The following XNDC1N variants were observed in gnomAD, a reference collection of about 807,000 sequenced individuals.
The protein encoded by XNDC1N is protein XNDC1N.
chr11:71,870,834 A>G, the XNDC1N span, among the ~76,000 whole-genome samples: 1 of 152,230 alleles, frequency 6.6e-6, no homozygotes, highest in Non-Finnish European at 1.5e-5. Flanking sequence ...ACAATGAGAT[A>G]TCACCTCACA....
the XNDC1N span, among the ~76,000 whole-genome samples, chr11:71,928,199 C>T: frequency 2.6e-5 from 4 of 152,164 alleles, no homozygotes; most frequent in Non-Finnish European, 4.4e-5. Context: ...AATGTGGGTG[C>T]CCTGGAGGTC....
chr11:71,899,306 G>A, the XNDC1N span, among the ~76,000 whole-genome samples: 48 of 152,252 alleles, frequency 3.2e-4, no homozygotes, highest in African/African-American at 1.0e-3. Flanking sequence ...CACCACACAG[G>A]GAGGACAGTG....
At chr11:71,903,670 G>A in the XNDC1N span, 1 of 424,720 alleles carries the variant, frequency 2.4e-6, no homozygotes, top group South Asian at 2.1e-5. Context: ...TTTTCCCTCA[G>A]TCTTTTAGAC....
chr11:71,905,870 T>G, the XNDC1N span, among the ~76,000 whole-genome samples: 1 of 152,062 alleles, frequency 6.6e-6, no homozygotes, highest in Non-Finnish European at 1.5e-5. Context: ...AGCCCATGTA[T>G]GTACACCCAC....
At chr11:71,882,752 TA>T in the XNDC1N span, among the ~76,000 whole-genome samples, 1 of 152,150 alleles carries the variant, frequency 6.6e-6, no homozygotes, top group Non-Finnish European at 1.5e-5. Flanking sequence ...CAAGAACAAT[TA>T]GGCAAGAAAA....
chr11:71,924,697 A>C, the XNDC1N span, among the ~76,000 whole-genome samples: 1 of 152,164 alleles, frequency 6.6e-6, no homozygotes, highest in African/African-American at 2.4e-5. Context: ...AAAAAAACAA[A>C]AAAAAAAGTT....
the XNDC1N span, among the ~76,000 whole-genome samples, chr11:71,910,000 G>A: frequency 6.6e-6 from 1 of 152,130 alleles, no homozygotes; most frequent in Non-Finnish European, 1.5e-5. Context: ...AAGAGTACGG[G>A]CAGAAGACAA....
the XNDC1N span, among the ~76,000 whole-genome samples, chr11:71,886,231 G>T: frequency 3.9e-5 from 6 of 152,178 alleles, no homozygotes; most frequent in South Asian, 1.2e-3. Flanking sequence ...AGCCCTAATT[G>T]ATTTGCTCCA....
At chr11:71,901,538 G>A in the XNDC1N span, among the ~76,000 whole-genome samples, 2 of 152,078 alleles carry the variant, frequency 1.3e-5, no homozygotes, top group Non-Finnish European at 2.9e-5. Flanking sequence ...TGCAGAGGTT[G>A]CGGTGAGCTG....
chr11:71,914,322 T>C, the XNDC1N span: 2 of 456,106 alleles, frequency 4.4e-6, no homozygotes, highest in Admixed American at 2.4e-5. Context: ...TTGGAAGAAG[T>C]TGATTCCAAC....
the XNDC1N span, among the ~76,000 whole-genome samples, chr11:71,867,551 A>G: frequency 6.6e-6 from 1 of 152,190 alleles, no homozygotes; most frequent in Non-Finnish European, 1.5e-5. Context: ...GTCATTCCCA[A>G]AAGTCATTCA....
chr11:71,927,143 A>G, the XNDC1N span, among the ~76,000 whole-genome samples: 3 of 152,080 alleles, frequency 2.0e-5, no homozygotes, highest in South Asian at 6.2e-4. Context: ...AGGTACTCAC[A>G]AGGTTGAGGT....
At chr11:71,877,232 G>T in the XNDC1N span, among the ~76,000 whole-genome samples, 2 of 152,210 alleles carry the variant, frequency 1.3e-5, no homozygotes, top group Non-Finnish European at 2.9e-5. Flanking sequence ...ATGGCAGAAA[G>T]AGAACTTCCT....
chr11:71,915,375 G>A, the XNDC1N span, among the ~76,000 whole-genome samples: 1 of 151,764 alleles, frequency 6.6e-6, no homozygotes, highest in East Asian at 1.9e-4. Context: ...AAGAACCTGG[G>A]AGGTGGAGCT....
the XNDC1N span, among the ~76,000 whole-genome samples, chr11:71,887,339 T>C: frequency 6.6e-6 from 1 of 152,218 alleles, no homozygotes; most frequent in African/African-American, 2.4e-5. Context: ...GACTGTCCCT[T>C]GACCTTTTCG....
chr11:71,877,480 A>T, the XNDC1N span, among the ~76,000 whole-genome samples: 1 of 152,170 alleles, frequency 6.6e-6, no homozygotes, highest in Admixed American at 6.5e-5. Flanking sequence ...GCTACTAAAG[A>T]TACAAAACTT....
the XNDC1N span, among the ~76,000 whole-genome samples, chr11:71,906,684 T>G: frequency 6.6e-6 from 1 of 152,104 alleles, no homozygotes; most frequent in African/African-American, 2.4e-5. Context: ...TATTAAAAGG[T>G]GTACAGGACC....
At chr11:71,905,319 C>T in the XNDC1N span, among the ~76,000 whole-genome samples, 1 of 151,926 alleles carries the variant, frequency 6.6e-6, no homozygotes, top group African/African-American at 2.4e-5. Context: ...TAGGAGTAAG[C>T]TCTTCCTAGG....
chr11:71,887,190 C>T, the XNDC1N span, among the ~76,000 whole-genome samples: 5 of 152,076 alleles, frequency 3.3e-5, no homozygotes, highest in African/African-American at 7.2e-5. Context: ...CGCTAGTAAC[C>T]GCCCCGGTCG....
Sources: allele counts gnomAD v4.1 joint callset (sites outside exome capture counted in the v4.1 genomes callset), GRCh38; gene constraint gnomAD v4.1.1; transcripts MANE v1.5; gene names NCBI Gene and HGNC (gene_info 2026-07-23, HGNC 2026-07-21).